STK11: variants seen among roughly 807,000 people sequenced by gnomAD.
STK11 encodes the protein serine/threonine-protein kinase STK11.
In STK11, 8 loss-of-function variants were observed where a neutral mutation model predicts 47.3. The observed-to-expected ratio is 0.17, with a 90% CI of 0.10 to 0.31. STK11 has a LOEUF of 0.31. Ranked by LOEUF, STK11 falls within the 10% of genes least tolerant of loss-of-function variation. The pLI is 1.00. For synonymous variants in STK11, 330 were observed against 255.8 expected, an observed-to-expected ratio of 1.29 and a Z score of -2.77; for missense variants, 475 against 605.0, an observed-to-expected ratio of 0.79 and a Z score of 2.25.
intron 1 of STK11, among the ~76,000 whole-genome samples, chr19:1,211,503 C>T (rs978818517): frequency 6.6e-6 from 1 of 152,096 alleles, no homozygotes; most frequent in African/African-American, 2.4e-5. Flanking sequence ...CCTCCCTCCC[C>T]CTTTCCACCC....
At chr19:1,207,866 C>T (rs768549427) in intron 1 of STK11, among the ~76,000 whole-genome samples, 1 of 152,026 alleles carries the variant, frequency 6.6e-6, no homozygotes, top group Non-Finnish European at 1.5e-5. Context: ...TTCCAACTGA[C>T]TTCTTCAGGC....
chr19:1,226,064 TGGC>T, intron 8 of STK11: 1 of 1,048,306 alleles, frequency 9.5e-7, no homozygotes. Context: ...GATGAGCATG[TGGC>T]GGCTCCTGGG....
At chr19:1,222,543 T>G (rs7359961) in intron 7 of STK11, among the ~76,000 whole-genome samples, 212 of 151,864 alleles carry the variant, frequency 1.4e-3, no homozygotes, top group African/African-American at 4.9e-3. Flanking sequence ...GCTCTGGGAG[T>G]GGGAGTGTCC....
intron 8 of STK11, chr19:1,223,762 A>G: frequency 9.6e-7 from 1 of 1,039,966 alleles, no homozygotes; most frequent in Non-Finnish European, 1.2e-6. Context: ...GGAGGAGCTC[A>G]GGGCCTTAGC....
chr19:1,223,499 G>A (rs900394189), intron 8 of STK11: 2 of 892,778 alleles, frequency 2.2e-6, no homozygotes, highest in Non-Finnish European at 3.0e-6. Flanking sequence ...GAGCCCCAGG[G>A]TCGGGGGAGG....
intron 2 of STK11, 31 bp from the exon 3 acceptor site, chr19:1,219,293 C>CCCCCACTGTGTGT: frequency 6.4e-7 from 1 of 1,558,162 alleles, no homozygotes; most frequent in Non-Finnish European, 8.7e-7. Flanking sequence ...AGTGGGGCCG[C>CCCCCACTGTGTGT]CCCCTGAGCT....
chr19:1,224,542 G>A, intron 8 of STK11: 1 of 985,524 alleles, frequency 1.0e-6, no homozygotes. Context: ...GGCCAGCCCA[G>A]GCAGGTTGCG....
intron 8 of STK11, chr19:1,225,065 A>G: frequency 1.0e-6 from 1 of 985,958 alleles, no homozygotes; most frequent in African/African-American, 1.7e-5. Context: ...TCCTGCTGCC[A>G]ACACCCAGAT....
In STK11 at chr19:1,226,330, C is replaced by T. The variant is rs563259490; in HGVS notation, c.1109-124C>T. 101 of 1,494,060 alleles carry T rather than the reference C, an allele frequency of 6.8e-5. No homozygotes were observed. In the African/African-American group the frequency reaches 1.3e-3, roughly 19 times the overall value. 92.6% of individuals were successfully genotyped at this position (1,494,060 alleles called of 1,614,324 possible). On this transcript the variant is annotated intron_variant, in intron 8 of 9. Transcript: ENST00000326873. ...TCAGGCTGGATACACCTGGGCCTGA[C>T]CCGGGGGCGGGCATGGCCTGGGCAG...
At chr19:1,209,723 C>T (rs1050038791) in intron 1 of STK11, among the ~76,000 whole-genome samples, 3 of 152,032 alleles carry the variant, frequency 2.0e-5, no homozygotes, top group Non-Finnish European at 4.4e-5. Context: ...CCCTGCTTTC[C>T]TGAACAGTCA....
intron 1 of STK11, among the ~76,000 whole-genome samples, chr19:1,215,402 G>GCA (rs1482056233): frequency 6.6e-6 from 1 of 152,240 alleles, no homozygotes; most frequent in Non-Finnish European, 1.5e-5. Context: ...GCCCGACAGG[G>GCA]CACCGGGCAC....
At position 1,218,447 on chromosome 19, in the gene STK11, C is replaced by T. The variant is rs878853987; in HGVS notation, c.321C>T (p.His107=). Residue 107 remains histidine, a synonymous_variant, in exon 2 of 10, where the codon CAC becomes CAT. Transcript: ENST00000326873. ...TTCAACTACTGAGGAGGTTACGGCACAAAAATGTCATCCAGCTGGTGGATG... is the reference window on the plus strand; with the variant it reads ...TTCAACTACTGAGGAGGTTACGGCATAAAAATGTCATCCAGCTGGTGGATG... ...KEIQLLRRLR[H]KNVIQLVDVL... 2.5e-6 allele frequency: 4 copies of T among 1,613,530 alleles called. No individual in the cohort carries two copies. The highest frequency in any genetic ancestry group is 3.4e-6 in the Non-Finnish European group (4 of 1,179,816).
At chr19:1,211,722 G>A (rs960177755) in intron 1 of STK11, among the ~76,000 whole-genome samples, 3 of 152,260 alleles carry the variant, frequency 2.0e-5, no homozygotes, top group African/African-American at 4.8e-5. Context: ...TAGGAAACGG[G>A]CCCAGATCCG....
intron 9 of STK11, chr19:1,226,889 G>A (rs1165385189): frequency 1.8e-5 from 10 of 550,944 alleles, no homozygotes; most frequent in Non-Finnish European, 2.2e-5. Flanking sequence ...TACGTGTGGC[G>A]GGGCTCTGGG....
At chr19:1,224,766 G>T (rs1462648738) in intron 8 of STK11, 2 of 985,694 alleles carry the variant, frequency 2.0e-6, no homozygotes, top group Non-Finnish European at 1.2e-6. Flanking sequence ...GTGGTGAGGA[G>T]GAGTACCCAG....
intron 3 of STK11, among the ~76,000 whole-genome samples, 173 bp downstream of exon 3, chr19:1,219,586 C>T (rs1239868519): frequency 1.3e-5 from 2 of 151,992 alleles, no homozygotes; most frequent in Non-Finnish European, 2.9e-5. Flanking sequence ...CACTCTGTCG[C>T]CCAGGCTGGA....
rs373645080 is a variant in STK11, at chr19:1,221,711, G to A, written c.863-238G>A. 7.6e-4 allele frequency: 455 copies of A among 602,124 alleles called. 6 individuals carry two copies. Among genetic ancestry groups the A allele is most frequent in the Admixed American group, 1.5e-3 (49 of 33,732 alleles). The allele number at this position is 602,124 out of a possible 1,614,324, so 37.3% of individuals were successfully genotyped here. ...ATCTGCCCAGTGGCCTTGGGAGAAC[G>A]GAACCGCCCTGGCCGTCCAGCCCAG... On this transcript the variant is annotated intron_variant, in intron 6 of 9. Transcript: ENST00000326873.
chr19:1,213,871 G>A (rs901651398), intron 1 of STK11, among the ~76,000 whole-genome samples: 4 of 152,238 alleles, frequency 2.6e-5, no homozygotes, highest in Non-Finnish European at 4.4e-5. Context: ...GCTCTGAGCC[G>A]TGGGAGGCCG....
At chr19:1,220,020 A>C in intron 3 of STK11, 1 of 267,090 alleles carries the variant, frequency 3.7e-6, no homozygotes, top group Non-Finnish European at 7.2e-6. Context: ...TCCTGGATGC[A>C]GGTCTGTGGC....
Sources: allele counts gnomAD v4.1 joint callset (sites outside exome capture counted in the v4.1 genomes callset), GRCh38; gene constraint gnomAD v4.1.1; transcripts MANE v1.5; gene names NCBI Gene and HGNC (gene_info 2026-07-23, HGNC 2026-07-21).